ADAM12: variants seen among roughly 807,000 people sequenced by gnomAD.
ADAM12 encodes the protein ADAM metallopeptidase domain 12, also known as disintegrin and metalloproteinase domain-containing protein 12.
A neutral mutation model predicts 106.4 loss-of-function variants in ADAM12; 70 were observed. That is an observed-to-expected ratio of 0.66 (90% CI 0.54 to 0.80). The LOEUF (loss-of-function observed/expected upper bound fraction) is 0.80. Among genes scored for constraint, ADAM12 ranks in the 30% least tolerant of loss-of-function variants. The pLI is 0.00. For missense variants in ADAM12, 1,010 were observed against 1,171.9 expected, an observed-to-expected ratio of 0.86 and a Z score of 2.02; for synonymous variants, 420 against 433.5, an observed-to-expected ratio of 0.97 and a Z score of 0.39.
chr10:126,032,617 T>A (rs1471637734), intron 21 of ADAM12, among the ~76,000 whole-genome samples: 1 of 152,132 alleles, frequency 6.6e-6, no homozygotes, highest in East Asian at 1.9e-4. Flanking sequence ...ACAGGTGAGT[T>A]GCTTAAAATA....
chr10:126,199,837 G>T (rs746471323), intron 3 of ADAM12, among the ~76,000 whole-genome samples: 1 of 152,180 alleles, frequency 6.6e-6, no homozygotes, highest in Non-Finnish European at 1.5e-5. Flanking sequence ...ATGACCTTGA[G>T]AAAGGCATTA....
intron 11 of ADAM12, among the ~76,000 whole-genome samples, chr10:126,076,426 T>A (rs773647872): frequency 6.6e-6 from 1 of 152,242 alleles, no homozygotes; most frequent in Non-Finnish European, 1.5e-5. Context: ...CTTTTGGATA[T>A]ATACACAGTA....
chr10:126,225,202 G>T (rs1958169048), intron 3 of ADAM12, among the ~76,000 whole-genome samples: 1 of 152,234 alleles, frequency 6.6e-6, no homozygotes, highest in Non-Finnish European at 1.5e-5. Flanking sequence ...CCCTGGAAAG[G>T]GTGGCCAGGA....
intron 3 of ADAM12, among the ~76,000 whole-genome samples, chr10:126,253,199 G>T (rs1958819958): frequency 6.6e-6 from 1 of 152,108 alleles, no homozygotes; most frequent in Admixed American, 6.5e-5. Context: ...CACAGGAAAT[G>T]GTTTCTGACC....
intron 6 of ADAM12, among the ~76,000 whole-genome samples, chr10:126,110,777 A>G (rs1955854788): frequency 6.6e-6 from 1 of 152,242 alleles, no homozygotes; most frequent in African/African-American, 2.4e-5. Context: ...AGAGAAATAA[A>G]GCAGTTCGTG....
intron 2 of ADAM12, among the ~76,000 whole-genome samples, chr10:126,326,145 A>C (rs1476604085): frequency 6.6e-6 from 1 of 152,202 alleles, no homozygotes; most frequent in African/African-American, 2.4e-5. Context: ...CATTGGATGC[A>C]GCATCAATTT....
chr10:126,341,176 G>A (rs1056220377), intron 1 of ADAM12, among the ~76,000 whole-genome samples: 11 of 151,934 alleles, frequency 7.2e-5, no homozygotes, highest in Non-Finnish European at 1.0e-4. Context: ...TTCCCGGCCC[G>A]TCATCCTTTA....
At chr10:126,139,966 G>A (rs546301623) in intron 4 of ADAM12, among the ~76,000 whole-genome samples, 121 of 152,292 alleles carry the variant, frequency 7.9e-4, no homozygotes, top group African/African-American at 2.9e-3. Context: ...TTATATAATT[G>A]GATCATAATG....
At chr10:126,369,598 C>T (rs1856040469) in intron 1 of ADAM12, among the ~76,000 whole-genome samples, 1 of 152,122 alleles carries the variant, frequency 6.6e-6, no homozygotes, top group Non-Finnish European at 1.5e-5. Flanking sequence ...AGTAAAAGGA[C>T]ATGAAACAGC....
chr10:126,312,023 G>A (rs1019191707), intron 2 of ADAM12, among the ~76,000 whole-genome samples: 1 of 151,534 alleles, frequency 6.6e-6, no homozygotes, highest in East Asian at 2.0e-4. Context: ...CATCTTGTGG[G>A]ATGGAACCCT....
chr10:126,189,307 G>C (rs532404417), intron 3 of ADAM12, among the ~76,000 whole-genome samples: 1 of 152,320 alleles, frequency 6.6e-6, no homozygotes, highest in South Asian at 2.1e-4. Flanking sequence ...CAGGAATGGG[G>C]AGAAGTTCAG....
chr10:126,116,420 C>T (rs997002790), intron 6 of ADAM12, among the ~76,000 whole-genome samples: 2 of 152,046 alleles, frequency 1.3e-5, no homozygotes, highest in African/African-American at 2.4e-5. Context: ...ATAAACCTGC[C>T]GTGGGACCCC....
intron 4 of ADAM12, among the ~76,000 whole-genome samples, chr10:126,154,600 T>C (rs1676719): frequency 0.77 from 116,536 of 152,060 alleles, 45,689 homozygotes; most frequent in East Asian, 0.92. Flanking sequence ...CAGAGGGCAG[T>C]GACTCTGTCC....
At chr10:126,070,437 G>A (rs1259571434) in intron 12 of ADAM12, 1 of 152,172 alleles carries the variant, frequency 6.6e-6, no homozygotes, top group Non-Finnish European at 1.5e-5. Flanking sequence ...ATTCCTCCTG[G>A]TATGGAAAAC....
chr10:126,190,880 AG>A (rs1957486585), intron 3 of ADAM12, among the ~76,000 whole-genome samples: 1 of 151,688 alleles, frequency 6.6e-6, no homozygotes, highest in Non-Finnish European at 1.5e-5. Flanking sequence ...AGCACGCAGC[AG>A]GTGGGAGGCA....
At chr10:126,188,111 C>T (rs1220470895) in intron 3 of ADAM12, among the ~76,000 whole-genome samples, 1 of 152,226 alleles carries the variant, frequency 6.6e-6, no homozygotes, top group Admixed American at 6.5e-5. Context: ...CTGGACACTG[C>T]AGCTTGTTCT....
chr10:126,052,378 T>C (rs1355204118), intron 14 of ADAM12, among the ~76,000 whole-genome samples: 5 of 152,096 alleles, frequency 3.3e-5, no homozygotes, highest in African/African-American at 1.2e-4. Context: ...GTGGGTGGAG[T>C]TGACATCACT....
intron 5 of ADAM12, among the ~76,000 whole-genome samples, chr10:126,121,130 AC>A (rs1956089986): frequency 5.3e-5 from 4 of 75,608 alleles, no homozygotes; most frequent in Non-Finnish European, 8.8e-5. Flanking sequence ...TAGTATATAT[AC>A]TATATACTAT....
At chr10:126,297,583 A>G (rs1960438997) in intron 2 of ADAM12, among the ~76,000 whole-genome samples, 1 of 152,234 alleles carries the variant, frequency 6.6e-6, no homozygotes, top group South Asian at 2.1e-4. Flanking sequence ...CGTGGGAACC[A>G]CACGATGTGA....
Sources: allele counts gnomAD v4.1 joint callset (sites outside exome capture counted in the v4.1 genomes callset), GRCh38; gene constraint gnomAD v4.1.1; transcripts MANE v1.5; gene names NCBI Gene and HGNC (gene_info 2026-07-23, HGNC 2026-07-21).